TAB1: variants seen among roughly 807,000 people sequenced by gnomAD.
The protein encoded by TAB1 is TGF-beta activated kinase 1 (MAP3K7) binding protein 1, also known as TGF-beta-activated kinase 1 and MAP3K7-binding protein 1.
TAB1 carries 30 observed loss-of-function variants against 54.5 expected under a neutral mutation model. The observed-to-expected ratio is 0.55, with a 90% CI of 0.41 to 0.75. The LOEUF (loss-of-function observed/expected upper bound fraction) is 0.75, where lower values mean the gene tolerates loss of function less well. TAB1 is among the 30% of genes least tolerant of loss of function. The pLI, the probability that TAB1 is intolerant of heterozygous loss-of-function variation, is 0.00. For missense variants in TAB1, 609 were observed against 683.2 expected, an observed-to-expected ratio of 0.89 and a Z score of 1.21; for synonymous variants, 289 against 286.9, an observed-to-expected ratio of 1.01 and a Z score of -0.07.
chr22:39,429,827 G>A, intron 10 of TAB1, 188 bp from the exon 11 acceptor site: 1 of 985,426 alleles, frequency 1.0e-6, no homozygotes. Flanking sequence ...CATGCATCTG[G>A]TGCTTTAAAA....
Position 39,430,106 on chromosome 22 carries a change from G to T in TAB1, c.1399G>T (p.Ala467Ser). Residue 467 changes from alanine to serine, a missense_variant, in exon 11 of 11, where the codon GCC becomes TCC. Physicochemically the swap from Ala to Ser is moderately conservative, Grantham distance 99. Transcript: ENST00000216160. Reference protein sequence around the residue: ...SDGGLFRSRPAHSLPPGEDGR... With the variant: ...SDGGLFRSRPSHSLPPGEDGR... ...CGGAGGCCTCTTCCGCTCCCGGCCC[G>T]CCCACTCGCTCCCGCCTGGCGAGGA... The T allele has an allele frequency of 3.1e-6, 5 of 1,613,956 alleles. No homozygotes were observed. The South Asian group carries it at 3.3e-5, about 11-fold the overall frequency.
rs535532663 is a variant in TAB1 at position 39,426,315 on chromosome 22, A to G, written c.922-388A>G. Reference sequence around the variant, plus strand: ...CTGACAAAATCCTAGCATGTATAACATCGCCTACAACAAGTTTGTTCCAGG... The same window carrying G: ...CTGACAAAATCCTAGCATGTATAACGTCGCCTACAACAAGTTTGTTCCAGG... On this transcript the variant is annotated intron_variant, in intron 8 of 10. Coordinates refer to ENST00000216160, the MANE Select transcript of TAB1 (RefSeq NM_006116.3). Among the ~76,000 whole-genome samples, 3 of 152,358 alleles carry G rather than the reference A, an allele frequency of 2.0e-5. No individual in the cohort carries two copies. In the South Asian group the frequency reaches 6.2e-4, roughly 32 times the overall value.
rs764367365 is a variant in TAB1, at chr22:39,418,768, A to G, written c.587A>G (p.Asp196Gly). ...GCACTTTTATGCAAATCGACAGTGG[A>G]TGGGTTGCAGGTGACACAGCTGAAC... ...NRALLCKSTV[D>G]GLQVTQLNVD... The change falls in exon 6 of 11, where the codon GAT (aspartate) becomes GGT (glycine). Residue 196 changes from aspartate to glycine, a missense_variant. Asp to Gly is a moderately conservative substitution (Grantham distance 94, BLOSUM62 -1). Coordinates refer to ENST00000216160, the MANE Select transcript of TAB1 (RefSeq NM_006116.3). The G allele has an allele frequency of 2.5e-6, 4 of 1,614,032 alleles. No homozygotes were observed. The highest frequency in any genetic ancestry group is 1.1e-5 in the South Asian group (1 of 91,070).
intron 4 of TAB1, among the ~76,000 whole-genome samples, chr22:39,417,285 A>ATCTG (rs1040580824): frequency 2.0e-5 from 3 of 152,178 alleles, no homozygotes; most frequent in Non-Finnish European, 4.4e-5. Flanking sequence ...GCCATGGACC[A>ATCTG]TCTGTCTGTC....
chr22:39,433,644 G>A, downstream of TAB1: 1 of 985,390 alleles, frequency 1.0e-6, no homozygotes, highest in South Asian at 4.7e-5. Flanking sequence ...CTCATGAGCT[G>A]GGAGCTGGCA....
At chr22:39,426,018 C>T (rs1339744250) in intron 8 of TAB1, among the ~76,000 whole-genome samples, 1 of 151,942 alleles carries the variant, frequency 6.6e-6, no homozygotes, top group Non-Finnish European at 1.5e-5. Flanking sequence ...CCACCATGCC[C>T]AGCTAATTTT....
chr22:39,426,627 A>G, intron 8 of TAB1, 76 bp from the exon 9 acceptor site: 1 of 1,333,520 alleles, frequency 7.5e-7, no homozygotes, highest in Non-Finnish European at 1.0e-6. Context: ...TCCTGATTTT[A>G]GGCTCCAAGA....
In TAB1 at chr22:39,431,596, G is replaced by A. The variant is rs750868294; in HGVS notation, c.*1374G>A. The A allele has an allele frequency of 2.5e-4, 247 of 985,306 alleles. No homozygotes were observed. Among genetic ancestry groups the A allele is most frequent in the Non-Finnish European group, 2.8e-4 (236 of 829,990 alleles). 61.0% of individuals were successfully genotyped at this position (985,306 alleles called of 1,614,324 possible). On this transcript the variant is annotated 3_prime_UTR_variant, in exon 11 of 11. Transcript: ENST00000216160. ...GTGGCCTGGGAATCCATTTTCCTGCGGCAGAGCAGGGCCTGGTGTGGAACC... is the reference window on the plus strand; with the variant it reads ...GTGGCCTGGGAATCCATTTTCCTGCAGCAGAGCAGGGCCTGGTGTGGAACC...
In TAB1 at chr22:39,430,511, G is replaced by C. The variant is rs1404095524; in HGVS notation, c.*289G>C. The C allele has an allele frequency of 1.2e-5, 16 of 1,305,690 alleles. No individual in the cohort carries two copies. The highest frequency in any genetic ancestry group is 1.5e-5 in the African/African-American group (1 of 67,062). 80.9% of individuals were successfully genotyped at this position (1,305,690 alleles called of 1,614,324 possible). ...GGGCCAGGTATAGAAACCGCAGTGG[G>C]CCTGCAAGCCGCCCGAGCCTCCCCA... On this transcript the variant is annotated 3_prime_UTR_variant, in exon 11 of 11. Transcript: ENST00000216160.
At chr22:39,425,077 A>G (rs1359053158) in intron 8 of TAB1, among the ~76,000 whole-genome samples, 1 of 152,054 alleles carries the variant, frequency 6.6e-6, no homozygotes, top group East Asian at 1.9e-4. Context: ...TACTCAATAA[A>G]TTACATGAGA....
chr22:39,421,694 C>A, intron 7 of TAB1, 133 bp from the exon 8 acceptor site: 2 of 983,516 alleles, frequency 2.0e-6, no homozygotes, highest in South Asian at 1.6e-5. Context: ...TTCTCTTTCT[C>A]TCTTTTCTTT....
In TAB1 at chr22:39,405,170, T is replaced by C. The variant is rs528364007; in HGVS notation, c.33+5335T>C. The stretch of plus-strand genomic sequence containing the variant: ...GCTGCCCAGGACTTTGAGATGAGTC[T>C]GTGTGGGTACTTTGTGAACTATTAT... On this transcript the variant is annotated intron_variant, in intron 1 of 10. Coordinates refer to ENST00000216160, the MANE Select transcript of TAB1 (RefSeq NM_006116.3). Among the ~76,000 whole-genome samples the C allele has an allele frequency of 7.9e-5, 12 of 152,326 alleles. No homozygotes were observed. The South Asian group carries it at 2.5e-3, about 32-fold the overall frequency.
chr22:39,435,886 A>G (rs566423425), downstream of TAB1, among the ~76,000 whole-genome samples: 4 of 152,308 alleles, frequency 2.6e-5, no homozygotes, highest in Admixed American at 1.3e-4. Flanking sequence ...GTGCTTCTGT[A>G]AGTCCCACCT....
At position 39,421,858 on chromosome 22, in the gene TAB1, C is replaced by T. The variant is rs1001375771; in HGVS notation, c.808C>T (p.Pro270Ser). The T allele has an allele frequency of 1.2e-6, 2 of 1,614,038 alleles. No homozygotes were observed. The highest frequency in any genetic ancestry group is 1.3e-5 in the African/African-American group (1 of 74,932). The stretch of plus-strand genomic sequence containing the variant: ...CAAGTCCAAACCAATCATCGCAGAG[C>T]CAGAAATCCATGGGGCACAGCCGCT... ...AAKSKPIIAE[P>S]EIHGAQPLDG... Residue 270 changes from proline to serine, a missense_variant, in exon 8 of 11, where the codon CCA (proline) becomes TCA (serine). Transcript: ENST00000216160.
Position 39,417,603 on chromosome 22 carries a change from A to T in TAB1, c.412-108A>T, listed in dbSNP as rs1398470317. The T allele has an allele frequency of 2.6e-6, 3 of 1,157,398 alleles. No individual in the cohort carries two copies. The African/African-American group carries it at 4.8e-5, about 18-fold the overall frequency. The allele number at this position is 1,157,398 out of a possible 1,614,324, so 71.7% of individuals were successfully genotyped here. A position where few individuals can be genotyped will look rare whatever the true frequency, so the allele number is the denominator to read the frequency against. On this transcript the variant is annotated intron_variant, in intron 4 of 10. Transcript: ENST00000216160. ...GCCACTGCACTGTAGCCTGGGGGACACAGCGAGACTCCATCTCAAAAAAAA... is the reference window on the plus strand; with the variant it reads ...GCCACTGCACTGTAGCCTGGGGGACTCAGCGAGACTCCATCTCAAAAAAAA...
In TAB1 at chr22:39,399,844, C is replaced by T. The variant is rs750184260; in HGVS notation, c.33+9C>T. The T allele has an allele frequency of 1.3e-6, 2 of 1,594,998 alleles. No individual in the cohort carries two copies. The highest frequency in any genetic ancestry group is 1.7e-6 in the Non-Finnish European group (2 of 1,171,204). ...GGAGCTTGCTGCAGAGTGTGAGGAA[C>T]AGGCCCGCTCTCTGGGCTTGGGGTT... On this transcript the variant is annotated intron_variant, in intron 1 of 10. Coordinates refer to ENST00000216160, the MANE Select transcript of TAB1 (RefSeq NM_006116.3).
chr22:39,399,856 C>T (rs377094109), intron 1 of TAB1, 21 bp downstream of exon 1: 17 of 1,589,534 alleles, frequency 1.1e-5, no homozygotes, highest in African/African-American at 2.7e-5. Flanking sequence ...GGCCCGCTCT[C>T]TGGGCTTGGG....
chr22:39,402,444 T>C (rs5750815), intron 1 of TAB1, among the ~76,000 whole-genome samples: 117,577 of 152,210 alleles, frequency 0.77, 46,435 homozygotes, highest in East Asian at 1. Context: ...AGTGGAGGTT[T>C]GCAGGAATGG....
At chr22:39,428,902 G>A (rs970109471) in intron 10 of TAB1, among the ~76,000 whole-genome samples, 1 of 152,378 alleles carries the variant, frequency 6.6e-6, no homozygotes, top group African/African-American at 2.4e-5. Flanking sequence ...CTCTGCCTCT[G>A]GGTTGTGGAT....
Sources: gnomAD v4.1 joint callset for allele counts (sites outside exome capture counted in the v4.1 genomes callset) on GRCh38, gnomAD v4.1.1 for gene constraint, MANE v1.5 for transcripts, NCBI Gene and HGNC (gene_info 2026-07-23, HGNC 2026-07-21) for gene names.